Variants in EP300 observed in about 807,000 individuals in gnomAD.
EP300 encodes the protein histone acetyltransferase p300.
EP300 carries 31 observed loss-of-function variants against 264.0 expected under a neutral mutation model. The observed-to-expected ratio is 0.12, with a 90% confidence interval of 0.09 to 0.16. The LOEUF (loss-of-function observed/expected upper bound fraction) is 0.16. Among genes scored for constraint, EP300 ranks in the 10% least tolerant of loss-of-function variants. EP300 has a pLI of 1.00. For missense variants in EP300, 2,766 were observed against 3,052.9 expected, an observed-to-expected ratio of 0.91 and a Z score of 2.21; for synonymous variants, 1,340 against 1,045.4, an observed-to-expected ratio of 1.28 and a Z score of -5.44.
chr22:41,154,450 C>T (rs893151934), intron 16 of EP300, among the ~76,000 whole-genome samples: 6 of 134,328 alleles, frequency 4.5e-5, no homozygotes, highest in African/African-American at 1.4e-4. Flanking sequence ...GGCGCCATCT[C>T]GGCTCACTGC....
intron 4 of EP300, among the ~76,000 whole-genome samples, chr22:41,128,208 A>C (rs1190011390): frequency 6.6e-6 from 1 of 152,198 alleles, no homozygotes; most frequent in Non-Finnish European, 1.5e-5. Flanking sequence ...TCATCCCAGC[A>C]CTTTGGGAGA....
chr22:41,127,371 G>T, intron 3 of EP300, 116 bp from the exon 4 acceptor site: 1 of 1,383,612 alleles, frequency 7.2e-7, no homozygotes, highest in Non-Finnish European at 1.0e-6. Flanking sequence ...AAAAAATGGA[G>T]TCTGGCTTAT....
intron 1 of EP300, among the ~76,000 whole-genome samples, chr22:41,106,654 C>T (rs951241375): frequency 6.6e-6 from 1 of 152,190 alleles, no homozygotes; most frequent in Non-Finnish European, 1.5e-5. Context: ...TTGAGACTGT[C>T]GTCCAGGCTG....
intron 2 of EP300, among the ~76,000 whole-genome samples, chr22:41,123,427 T>G (rs2058863268): frequency 6.6e-6 from 1 of 152,194 alleles, no homozygotes; most frequent in Non-Finnish European, 1.5e-5. Flanking sequence ...GGTTGATTTT[T>G]TTCTTTTATA....
chr22:41,163,273 A>C (rs2059117232), intron 21 of EP300, among the ~76,000 whole-genome samples: 1 of 150,666 alleles, frequency 6.6e-6, no homozygotes, highest in Non-Finnish European at 1.5e-5. Context: ...GTCTCTACTA[A>C]AAATACAAAA....
intron 2 of EP300, among the ~76,000 whole-genome samples, chr22:41,122,141 TTTCTTTC>T (rs1178068014): frequency 3.6e-5 from 4 of 111,268 alleles, no homozygotes; most frequent in African/African-American, 1.1e-4. Context: ...AGAAGGTTTT[TTTCTTTC>T]TTCTTCTTCT....
intron 30 of EP300, 85 bp from the exon 31 acceptor site, chr22:41,176,688 C>T (rs2059202538): frequency 1.9e-5 from 31 of 1,612,638 alleles, no homozygotes; most frequent in Non-Finnish European, 2.3e-5. Context: ...ACGAAAGGGG[C>T]TTTTCTAGCC....
intron 6 of EP300, among the ~76,000 whole-genome samples, chr22:41,132,254 TA>T (rs2058923984): frequency 6.6e-6 from 1 of 151,428 alleles, no homozygotes; most frequent in South Asian, 2.1e-4. Flanking sequence ...TGTATCATTT[TA>T]AATGGTTGTA....
chr22:41,092,997 A>T lies in EP300; in HGVS notation c.-8A>T, dbSNP rs759351241. 1 of 1,614,054 alleles carries T rather than the reference A, an allele frequency of 6.2e-7. No individual in the cohort carries two copies. On this transcript the variant is annotated 5_prime_UTR_variant, in exon 1 of 31. Coordinates refer to ENST00000263253, the MANE Select transcript of EP300 (RefSeq NM_001429.4). ...TTTTCCTCGCTTGTATCTCCGAAAG[A>T]ATTAAAAATGGCCGAGAATGTGGTG... is the stretch of plus-strand genomic sequence containing the variant.
intron 1 of EP300, among the ~76,000 whole-genome samples, chr22:41,114,894 G>A (rs941870756): frequency 2.0e-5 from 3 of 151,872 alleles, no homozygotes; most frequent in Admixed American, 1.3e-4. Flanking sequence ...AAGATTAATT[G>A]GATCAAGTAG....
intron 18 of EP300, 104 bp downstream of exon 18, chr22:41,157,512 C>CTT (rs1214250106): frequency 0.017 from 7,553 of 435,422 alleles, 64 homozygotes; most frequent in African/African-American, 0.045. Flanking sequence ...TTTGACATGG[C>CTT]TTTTTTTTTT....
At chr22:41,151,361 G>A (rs1051093202) in intron 14 of EP300, among the ~76,000 whole-genome samples, 3 of 152,122 alleles carry the variant, frequency 2.0e-5, no homozygotes, top group Non-Finnish European at 4.4e-5. Context: ...GATAAAGATA[G>A]GGAATGCCAG....
intron 30 of EP300, 75 bp downstream of exon 30, chr22:41,176,603 T>G: frequency 6.2e-7 from 1 of 1,608,986 alleles, no homozygotes; most frequent in Non-Finnish European, 8.5e-7. Context: ...CCACGTATTT[T>G]ATAGAGGCCT....
Position 41,169,595 on chromosome 22 carries a change from T to C in EP300, c.4265T>C (p.Leu1422Ser), listed in dbSNP as rs1362594048. 1.2e-6 allele frequency: 2 copies of C among 1,602,554 alleles called. No homozygotes were observed. ...TATCATGAAATCCTAATTGGATATT[T>C]AGAATATGTCAAGAAATTAGGGTAA... ...AVYHEILIGYLEYVKKLGYTT... is the reference protein window; with the variant it reads ...AVYHEILIGYSEYVKKLGYTT... Residue 1422 changes from leucine (L) to serine (S), a missense_variant, in exon 26 of 31, where the codon TTA becomes TCA. Leu to Ser is a moderately radical substitution (Grantham distance 145). Coordinates refer to ENST00000263253, the MANE Select transcript of EP300 (RefSeq NM_001429.4).
intron 1 of EP300, among the ~76,000 whole-genome samples, chr22:41,097,593 T>C (rs970480152): frequency 6.6e-6 from 1 of 152,210 alleles, no homozygotes; most frequent in East Asian, 1.9e-4. Context: ...CCTGGTATAT[T>C]TACAAAAACA....
intron 19 of EP300, chr22:41,160,433 AAAAAAAAC>A (rs1407844621): frequency 6.0e-4 from 319 of 532,444 alleles, no homozygotes; most frequent in Non-Finnish European, 9.6e-4. Flanking sequence ...AAAAAAAACA[AAAAAAAAC>A]AAAAAAACAA....
In EP300 at chr22:41,160,484, A is replaced by G. The variant is rs1193526875; in HGVS notation, c.3591-158A>G. 1.4e-5 allele frequency: 9 copies of G among 659,200 alleles called. 1 individual carries two copies. Among genetic ancestry groups the G allele is most frequent in the Middle Eastern group, 6.2e-4 (2 of 3,216 alleles). 40.8% of individuals were successfully genotyped at this position (659,200 alleles called of 1,614,324 possible). On this transcript the variant is annotated intron_variant, in intron 19 of 30. Transcript: ENST00000263253. ...AACCAAAACCCAAACTGTGGGGCCCATATATCTGCATCATTGAATGTCCTT... is the reference window on the plus strand; with the variant it reads ...AACCAAAACCCAAACTGTGGGGCCCGTATATCTGCATCATTGAATGTCCTT...
intron 11 of EP300, 99 bp from the exon 12 acceptor site, chr22:41,147,737 CA>C (rs766424236): frequency 0.13 from 85,707 of 684,110 alleles, no homozygotes; most frequent in South Asian, 0.17. Flanking sequence ...GACTCCGTCT[CA>C]AAAAAAAAAA....
At chr22:41,134,592 G>T (rs1328191355) in intron 6 of EP300, among the ~76,000 whole-genome samples, 1 of 152,194 alleles carries the variant, frequency 6.6e-6, no homozygotes, top group East Asian at 1.9e-4. Flanking sequence ...ACAGGGTTTC[G>T]CCATGTGGCC....
Sources: allele counts gnomAD v4.1 joint callset (sites outside exome capture counted in the v4.1 genomes callset), GRCh38; gene constraint gnomAD v4.1.1; transcripts MANE v1.5; gene names NCBI Gene and HGNC (gene_info 2026-07-23, HGNC 2026-07-21).